Variants in ADAM22 observed in about 807,000 individuals in gnomAD.
The protein encoded by ADAM22 is ADAM metallopeptidase domain 22, also known as disintegrin and metalloproteinase domain-containing protein 22.
Under a neutral mutation model 144.6 loss-of-function variants are expected in ADAM22, and 65 were observed. The ratio of observed to expected loss-of-function variants is 0.45; its 90% CI spans 0.37 to 0.55. The LOEUF is 0.55. ADAM22 is among the 20% of genes least tolerant of loss of function. ADAM22 has a pLI of 0.00. For synonymous variants in ADAM22, 391 were observed against 412.6 expected, an observed-to-expected ratio of 0.95 and a Z score of 0.63; for missense variants, 974 against 1,184.9, an observed-to-expected ratio of 0.82 and a Z score of 2.61.
At chr7:88,005,002 G>A (rs1009303251) in intron 3 of ADAM22, among the ~76,000 whole-genome samples, 2 of 151,996 alleles carry the variant, frequency 1.3e-5, no homozygotes, top group African/African-American at 2.4e-5. Context: ...ATTATAAAAC[G>A]CTAAGTGTGC....
At chr7:87,946,478 T>G (rs1843696803) in intron 2 of ADAM22, among the ~76,000 whole-genome samples, 1 of 152,226 alleles carries the variant, frequency 6.6e-6, no homozygotes, top group African/African-American at 2.4e-5. Context: ...GTTCTCTAGG[T>G]ATTCTTCTAA....
intron 2 of ADAM22, among the ~76,000 whole-genome samples, chr7:87,948,573 A>G (rs1009125058): frequency 6.6e-6 from 1 of 152,128 alleles, no homozygotes; most frequent in Non-Finnish European, 1.5e-5. Flanking sequence ...TTTACCCTCT[A>G]CATTTGCTGA....
At chr7:88,042,119 C>T (rs1383944605) in intron 3 of ADAM22, among the ~76,000 whole-genome samples, 2 of 151,936 alleles carry the variant, frequency 1.3e-5, no homozygotes, top group East Asian at 1.9e-4. Flanking sequence ...AATCATTTCT[C>T]CAATCTAAGA....
chr7:88,182,022 T>A lies in ADAM22; in HGVS notation c.2661T>A (p.Thr887=), dbSNP rs1328235115. 6.2e-7 allele frequency: 1 copy of A among 1,613,418 alleles called. No homozygotes were observed. The highest frequency in any genetic ancestry group is 1.7e-5 in the Admixed American group (1 of 59,956). ...GKRFRPRSNS[T]EYLNPWFKRD... ...GATTTAGACCTCGGTCTAATTCAAC[T>A]GAGTAAGTCTGAACCTCTAATGGAA... The change falls in exon 29 of 32, where the codon ACT becomes ACA. Residue 887 remains threonine (T), a splice_region_variant and synonymous_variant. Coordinates refer to ENST00000413139, the MANE Select transcript of ADAM22 (RefSeq NM_001324418.2).
At chr7:88,116,157 A>G (rs758604553) in intron 6 of ADAM22, among the ~76,000 whole-genome samples, 31 of 152,166 alleles carry the variant, frequency 2.0e-4, no homozygotes, top group Admixed American at 9.8e-4. Context: ...AAACCGGACT[A>G]TGACATTCTA....
At chr7:88,064,108 G>C (rs1358053524) in intron 3 of ADAM22, among the ~76,000 whole-genome samples, 2 of 152,194 alleles carry the variant, frequency 1.3e-5, no homozygotes, top group African/African-American at 2.4e-5. Context: ...CAGGAGGATG[G>C]AAGGCCACAG....
chr7:87,934,319 T>C lies in ADAM22; in HGVS notation c.-147T>C. ...ATGCAGCACTGAGCCGCGGTGGAGG[T>C]TGCAGCGCCACGGCCGCCGCAGCAC... is the stretch of plus-strand genomic sequence containing the variant. On this transcript the variant is annotated 5_prime_UTR_variant, in exon 1 of 32. Coordinates refer to ENST00000413139, the MANE Select transcript of ADAM22 (RefSeq NM_001324418.2). The C allele has an allele frequency of 1.5e-6, 1 of 649,404 alleles. No individual in the cohort carries two copies. The highest frequency in any genetic ancestry group is 3.2e-5 in the East Asian group (1 of 31,710). 40.2% of individuals were successfully genotyped at this position (649,404 alleles called of 1,614,324 possible).
At chr7:88,091,904 T>C (rs1585641824) in intron 4 of ADAM22, among the ~76,000 whole-genome samples, 1 of 152,176 alleles carries the variant, frequency 6.6e-6, no homozygotes, top group East Asian at 1.9e-4. Flanking sequence ...ATTATTCCAA[T>C]ATAAAATTTT....
At chr7:88,070,901 G>C (rs1256101264) in intron 3 of ADAM22, among the ~76,000 whole-genome samples, 1 of 152,160 alleles carries the variant, frequency 6.6e-6, no homozygotes, top group Non-Finnish European at 1.5e-5. Context: ...GAGCACAGTA[G>C]AGATGTGAGG....
At chr7:87,992,583 A>G (rs1470344050) in intron 3 of ADAM22, among the ~76,000 whole-genome samples, 1 of 152,240 alleles carries the variant, frequency 6.6e-6, no homozygotes, top group African/African-American at 2.4e-5. Context: ...TTTGATTATC[A>G]AAATAATTCC....
intron 3 of ADAM22, among the ~76,000 whole-genome samples, chr7:88,043,535 A>G (rs1178571963): frequency 6.6e-6 from 1 of 151,530 alleles, no homozygotes; most frequent in Non-Finnish European, 1.5e-5. Context: ...GATTTATGCC[A>G]TTCCATATTA....
rs1198984838 is a variant in ADAM22, at chr7:87,935,187, G to T, written c.246+1G>T. The T allele has an allele frequency of 1.3e-6, 2 of 1,598,492 alleles. No homozygotes were observed. Among genetic ancestry groups the T allele is most frequent in the Non-Finnish European group, 1.7e-6 (2 of 1,172,206 alleles). On this transcript the variant is annotated splice_donor_variant, in intron 2 of 31. Transcript: ENST00000413139. LOFTEE classifies it high-confidence loss of function. ...GCGGGGCGACCTCGGTGGCCCGCAG[G>T]TGAGAGGCTCGGTCCGGGAGGTGGT...
intron 3 of ADAM22, among the ~76,000 whole-genome samples, chr7:87,988,720 C>T (rs945963619): frequency 4.6e-5 from 7 of 152,048 alleles, no homozygotes; most frequent in African/African-American, 1.7e-4. Context: ...GCTGCCTTTG[C>T]CCTTTTTACT....
chr7:88,149,016 G>T lies in ADAM22; in HGVS notation c.1525G>T (p.Asp509Tyr). Residue 509 changes from aspartate (D) to tyrosine (Y), a missense_variant, in exon 18 of 32, where the codon GAT becomes TAT. By Grantham distance (160) the Asp-to-Tyr change is radical (BLOSUM62 -3). Coordinates refer to ENST00000413139, the MANE Select transcript of ADAM22 (RefSeq NM_001324418.2). ...CACTGTGTGCCGAGAAGCAGTAAAT[G>T]ATTGTGATATTCGTGAAACGTGCTC... Reference protein sequence around the residue: ...MGTVCREAVNDCDIRETCSGN... With the variant: ...MGTVCREAVNYCDIRETCSGN... The T allele has an allele frequency of 6.2e-7, 1 of 1,612,378 alleles. No individual in the cohort carries two copies. The highest frequency in any genetic ancestry group is 1.1e-5 in the South Asian group (1 of 90,958).
chr7:88,180,340 T>C (rs1846687389), intron 27 of ADAM22, among the ~76,000 whole-genome samples: 1 of 152,086 alleles, frequency 6.6e-6, no homozygotes. Flanking sequence ...AAATTTTAAA[T>C]TAAACAACAT....
At chr7:88,056,410 A>G (rs1251295204) in intron 3 of ADAM22, among the ~76,000 whole-genome samples, 2 of 152,204 alleles carry the variant, frequency 1.3e-5, no homozygotes, top group African/African-American at 2.4e-5. Context: ...TCTGTTCCTC[A>G]GTAGCTTAAC....
intron 3 of ADAM22, among the ~76,000 whole-genome samples, chr7:88,040,645 CTT>C (rs1802906074): frequency 6.6e-6 from 1 of 151,684 alleles, no homozygotes; most frequent in Non-Finnish European, 1.5e-5. Context: ...TTAACACAAA[CTT>C]AGTGGCTTAA....
At chr7:88,114,367 G>A (rs1827195573) in intron 5 of ADAM22, among the ~76,000 whole-genome samples, 1 of 152,146 alleles carries the variant, frequency 6.6e-6, no homozygotes, top group South Asian at 2.1e-4. Flanking sequence ...TCCTGAGCAT[G>A]GGGTCAGGTG....
chr7:88,028,294 A>G (rs1799478411), intron 3 of ADAM22, among the ~76,000 whole-genome samples: 1 of 152,154 alleles, frequency 6.6e-6, no homozygotes, highest in South Asian at 2.1e-4. Context: ...AGTTTCCAAA[A>G]TTCCTCTTGT....
Sources: allele counts gnomAD v4.1 joint callset (sites outside exome capture counted in the v4.1 genomes callset), GRCh38; gene constraint gnomAD v4.1.1; transcripts MANE v1.5; gene names NCBI Gene and HGNC (gene_info 2026-07-23, HGNC 2026-07-21).